The following SLC25A48 variants were observed in gnomAD, a reference collection of about 807,000 sequenced individuals.
SLC25A48 encodes the protein CTC-321K16.1.
A neutral mutation model predicts 32.2 loss-of-function variants in SLC25A48; 29 were observed. That is an observed-to-expected ratio of 0.90 (90% confidence interval 0.67 to 1.23). The LOEUF is 1.23. SLC25A48 is among the 50% of genes most tolerant of loss of function. The pLI, the probability that SLC25A48 is intolerant of heterozygous loss-of-function variation, is 0.00. For synonymous variants in SLC25A48, 164 were observed against 172.3 expected (o/e 0.95, Z 0.38); for missense variants, 399 against 422.7 (o/e 0.94, Z 0.49).
rs139492635 is a variant in SLC25A48 at position 135,773,174 on chromosome 5, G to A, written c.-520-39349G>A. Among the ~76,000 whole-genome samples the A allele has an allele frequency of 2.0e-3, 306 of 151,358 alleles. 1 individual carries two copies. The highest frequency in any genetic ancestry group is 7.1e-3 in the African/African-American group (292 of 41,304). On this transcript the variant is annotated intron_variant, in intron 3 of 10. Coordinates refer to the SLC25A48 transcript ENST00000646290. ...AGAGGATAATATTACTCTGAATATCGCAGGGGGTATACACCCTCCCTGTGA... is the reference window on the plus strand; with the variant it reads ...AGAGGATAATATTACTCTGAATATCACAGGGGGTATACACCCTCCCTGTGA...
At chr5:135,753,362 C>T (rs7733493) in intron 3 of SLC25A48, among the ~76,000 whole-genome samples, 45,799 of 151,512 alleles carry the variant, frequency 0.3, 6,997 homozygotes, top group East Asian at 0.46. Context: ...AGTAATATCT[C>T]GAGGACGTTA....
intron 3 of SLC25A48, among the ~76,000 whole-genome samples, chr5:135,740,903 C>T (rs1177338068): frequency 6.6e-6 from 1 of 152,148 alleles, no homozygotes; most frequent in African/African-American, 2.4e-5. Flanking sequence ...TGCCCCCAGC[C>T]CAAGTATATT....
chr5:135,857,414 A>G (rs1760417279), intron 4 of SLC25A48, among the ~76,000 whole-genome samples: 1 of 152,208 alleles, frequency 6.6e-6, no homozygotes. Flanking sequence ...AGCAGCTGCC[A>G]ATGTGACATG....
chr5:135,725,924 A>G (rs4037598), intron 3 of SLC25A48, among the ~76,000 whole-genome samples: 1 of 151,924 alleles, frequency 6.6e-6, no homozygotes, highest in Non-Finnish European at 1.5e-5. Flanking sequence ...GGAGAAAGCT[A>G]CCCTTGTTAA....
upstream of SLC25A48, among the ~76,000 whole-genome samples, chr5:135,833,669 C>A (rs2126673090): frequency 6.6e-6 from 1 of 152,316 alleles, no homozygotes; most frequent in East Asian, 1.9e-4. Flanking sequence ...CGACTCCATC[C>A]CGGGCTGTCC....
chr5:135,866,337 C>T (rs1349799980), intron 4 of SLC25A48, among the ~76,000 whole-genome samples: 1 of 152,214 alleles, frequency 6.6e-6, no homozygotes. Flanking sequence ...TTACTGTTTC[C>T]AAGGTCATGG....
intron 1 of SLC25A48, among the ~76,000 whole-genome samples, chr5:135,583,635 G>A (rs1247408432): frequency 6.6e-6 from 1 of 151,746 alleles, no homozygotes; most frequent in African/African-American, 2.4e-5. Flanking sequence ...GTGCATTAAT[G>A]TTAGCCAGCC....
At chr5:135,692,811 T>G (rs531889230) in intron 3 of SLC25A48, among the ~76,000 whole-genome samples, 1 of 152,368 alleles carries the variant, frequency 6.6e-6, no homozygotes, top group African/African-American at 2.4e-5. Context: ...GGCTGCTAAT[T>G]AAACCTGCCA....
At chr5:135,798,813 G>T (rs1311451257) in intron 3 of SLC25A48, among the ~76,000 whole-genome samples, 1 of 151,674 alleles carries the variant, frequency 6.6e-6, no homozygotes, top group Non-Finnish European at 1.5e-5. Flanking sequence ...ATTCCCGTGG[G>T]AGAGAGGATG....
chr5:135,819,367 A>C (rs903418112), intron 4 of SLC25A48, among the ~76,000 whole-genome samples: 5 of 152,178 alleles, frequency 3.3e-5, no homozygotes, highest in African/African-American at 1.2e-4. Flanking sequence ...AGAATGGCAC[A>C]CTACATACAG....
At chr5:135,822,971 AG>A (rs1255264460) in intron 4 of SLC25A48, among the ~76,000 whole-genome samples, 4 of 152,074 alleles carry the variant, frequency 2.6e-5, no homozygotes, top group African/African-American at 9.6e-5. Context: ...GACTTGGAGG[AG>A]GGGGCCTGGT....
intron 3 of SLC25A48, among the ~76,000 whole-genome samples, chr5:135,730,628 C>A (rs1194230667): frequency 6.6e-6 from 1 of 152,176 alleles, no homozygotes; most frequent in South Asian, 2.1e-4. Context: ...AATGTGGAAG[C>A]AACTTTGGAA....
chr5:135,871,451 G>A lies in SLC25A48; in HGVS notation c.422-10G>A, dbSNP rs1356840773. On this transcript the variant is annotated splice_polypyrimidine_tract_variant and intron_variant, in intron 4 of 7. Coordinates refer to ENST00000681962, the MANE Select transcript of SLC25A48 (RefSeq NM_001349336.2). Reference sequence around the variant, plus strand: ...GGTCACTTGCCACCTTCTCTCCCCTGTCTTTGCAGCCAACCTCGGTTTGAA... The same window carrying A: ...GGTCACTTGCCACCTTCTCTCCCCTATCTTTGCAGCCAACCTCGGTTTGAA... 1.3e-5 allele frequency: 20 copies of A among 1,574,816 alleles called. No individual in the cohort carries two copies. Among genetic ancestry groups the A allele is most frequent in the Admixed American group, 5.2e-5 (3 of 58,172 alleles).
intron 3 of SLC25A48, among the ~76,000 whole-genome samples, chr5:135,731,602 C>G (rs1755224166): frequency 6.6e-6 from 1 of 152,026 alleles, no homozygotes; most frequent in Admixed American, 6.6e-5. Context: ...TTAAAAGGAG[C>G]ATTTGTCATA....
At chr5:135,648,664 G>A (rs1281719510) in intron 3 of SLC25A48, 1 of 152,224 alleles carries the variant, frequency 6.6e-6, no homozygotes, top group Non-Finnish European at 1.5e-5. Context: ...TGATCCTAGA[G>A]GGAACAGAGA....
At chr5:135,827,528 G>A (rs186091651) in intron 4 of SLC25A48, 3 of 152,328 alleles carry the variant, frequency 2.0e-5, no homozygotes, top group Non-Finnish European at 4.4e-5. Context: ...AAGAAATAAA[G>A]GTACCCTTGC....
chr5:135,690,828 G>A (rs1186826864), intron 3 of SLC25A48, among the ~76,000 whole-genome samples: 1 of 152,184 alleles, frequency 6.6e-6, no homozygotes, highest in Non-Finnish European at 1.5e-5. Context: ...GGCGGAGTGT[G>A]GGGCCCAAGA....
At chr5:135,672,327 T>C (rs967643362) in intron 3 of SLC25A48, among the ~76,000 whole-genome samples, 1 of 152,228 alleles carries the variant, frequency 6.6e-6, no homozygotes, top group African/African-American at 2.4e-5. Context: ...AAGCTGATCA[T>C]GTTGAACATT....
At chr5:135,723,766 G>A (rs895898571) in intron 3 of SLC25A48, among the ~76,000 whole-genome samples, 4 of 152,072 alleles carry the variant, frequency 2.6e-5, no homozygotes, top group Admixed American at 6.5e-5. Flanking sequence ...CATAGGCATC[G>A]TTTTTAATGG....
Sources: gnomAD v4.1 joint callset for allele counts (sites outside exome capture counted in the v4.1 genomes callset) on GRCh38, gnomAD v4.1.1 for gene constraint, MANE v1.5 for transcripts, NCBI Gene and HGNC (gene_info 2026-07-23, HGNC 2026-07-21) for gene names.